TNIK: variants seen among roughly 807,000 people sequenced by gnomAD.
TNIK encodes the protein TRAF2 and NCK-interacting protein kinase.
A neutral mutation model predicts 191.3 loss-of-function variants in TNIK; 49 were observed. The ratio of observed to expected loss-of-function variants is 0.26; its 90% CI spans 0.20 to 0.32. TNIK has a LOEUF of 0.32. Ranked by LOEUF, TNIK falls within the 10% of genes least tolerant of loss-of-function variation. TNIK has a pLI of 1.00. For synonymous variants in TNIK, 594 were observed against 600.9 expected, an observed-to-expected ratio of 0.99 and a Z score of 0.17; for missense variants, 1,155 against 1,702.3, an observed-to-expected ratio of 0.68 and a Z score of 5.66.
At chr3:171,323,747 CA>C (rs1755436161) in intron 2 of TNIK, among the ~76,000 whole-genome samples, 1 of 152,062 alleles carries the variant, frequency 6.6e-6, no homozygotes. Context: ...CACAGGAATC[CA>C]AGTGAGAATG....
At chr3:171,193,451 C>T (rs180946547) in intron 5 of TNIK, among the ~76,000 whole-genome samples, 4 of 152,078 alleles carry the variant, frequency 2.6e-5, no homozygotes, top group African/African-American at 7.2e-5. Context: ...TAATGTACAC[C>T]TCCATTTATT....
intron 1 of TNIK, among the ~76,000 whole-genome samples, chr3:171,408,446 G>A (rs1040807664): frequency 2.0e-5 from 3 of 152,188 alleles, no homozygotes; most frequent in Non-Finnish European, 2.9e-5. Flanking sequence ...CTGGAGGAAA[G>A]GGCTATCCGA....
intron 2 of TNIK, among the ~76,000 whole-genome samples, chr3:171,363,324 T>C (rs1715251873): frequency 6.6e-6 from 1 of 152,166 alleles, no homozygotes; most frequent in African/African-American, 2.4e-5. Context: ...TGAGACAATA[T>C]ACATAAAAAC....
At chr3:171,405,853 C>T (rs186825298) in intron 1 of TNIK, among the ~76,000 whole-genome samples, 42 of 152,182 alleles carry the variant, frequency 2.8e-4, no homozygotes, top group Admixed American at 5.2e-4. Context: ...ACAGTCTTAC[C>T]TCAAAAACCA....
intron 1 of TNIK, among the ~76,000 whole-genome samples, chr3:171,458,932 C>G (rs1055216675): frequency 6.6e-6 from 1 of 152,330 alleles, no homozygotes; most frequent in East Asian, 1.9e-4. Context: ...CCCCTCACCC[C>G]CTTCCAGGCA....
At chr3:171,284,844 T>C (rs1263316487) in intron 2 of TNIK, among the ~76,000 whole-genome samples, 1 of 152,180 alleles carries the variant, frequency 6.6e-6, no homozygotes, top group East Asian at 1.9e-4. Flanking sequence ...TAAGGTCTGG[T>C]TTCCTGTAGA....
intron 18 of TNIK, among the ~76,000 whole-genome samples, chr3:171,118,963 T>G (rs957475357): frequency 6.6e-6 from 1 of 152,104 alleles, no homozygotes. Flanking sequence ...CTAAAGAGCT[T>G]CTGCACAGCA....
intron 1 of TNIK, among the ~76,000 whole-genome samples, chr3:171,426,828 T>C (rs1724699616): frequency 2.0e-5 from 3 of 152,080 alleles, no homozygotes; most frequent in African/African-American, 2.4e-5. Context: ...AAGGAGAGGT[T>C]AAGGTCGCTG....
In TNIK at chr3:171,063,945, C is replaced by T. The variant is rs1345224297; in HGVS notation, c.4019G>A (p.Arg1340Gln). The T allele has an allele frequency of 6.2e-7, 1 of 1,613,712 alleles. No homozygotes were observed. The highest frequency in any genetic ancestry group is 8.5e-7 in the Non-Finnish European group (1 of 1,179,714). Residue 1340 changes from arginine (R) to glutamine (Q), a missense_variant, in exon 33 of 33, where the codon CGA (arginine) becomes CAA (glutamine). Physicochemically the swap from Arg to Gln is conservative, Grantham distance 43. Transcript: ENST00000436636. Reference protein sequence around the residue: ...RNDKVFFASVRSGGSSQVFFM... With the variant: ...RNDKVFFASVQSGGSSQVFFM... ...AAACACTTGGCTACTTCCTCCAGAT[C>T]GCACGGATGCAAAAAATACCTGTTT...
intron 10 of TNIK, among the ~76,000 whole-genome samples, chr3:171,165,417 A>G (rs374518903): frequency 3.7e-3 from 323 of 86,688 alleles, no homozygotes; most frequent in Middle Eastern, 0.027. Context: ...ACTCATCTCA[A>G]AAAAAAAAAA....
intron 16 of TNIK, 24 bp from the exon 17 acceptor site, chr3:171,126,175 A>G (rs1191806331): frequency 6.6e-7 from 1 of 1,516,170 alleles, no homozygotes; most frequent in African/African-American, 1.4e-5. Context: ...CAACATGAAA[A>G]CAGCACTATT....
intron 3 of TNIK, among the ~76,000 whole-genome samples, chr3:171,214,398 T>C (rs1741214751): frequency 6.6e-6 from 1 of 152,202 alleles, no homozygotes; most frequent in Non-Finnish European, 1.5e-5. Context: ...TCATCATGTA[T>C]CTTTTCCTTT....
chr3:171,184,601 T>C (rs41459747), intron 7 of TNIK, among the ~76,000 whole-genome samples: 3,103 of 152,286 alleles, frequency 0.02, 97 homozygotes, highest in African/African-American at 0.07. Context: ...GAAGGACCTT[T>C]GTTTGAATCT....
intron 19 of TNIK, 83 bp from the exon 20 acceptor site, chr3:171,108,245 T>A: frequency 3.8e-5 from 40 of 1,046,602 alleles, no homozygotes; most frequent in Non-Finnish European, 4.6e-5. Context: ...ATCTGTGATG[T>A]GTCATCACAT....
intron 2 of TNIK, among the ~76,000 whole-genome samples, chr3:171,287,552 T>C (rs1751155468): frequency 6.6e-6 from 1 of 152,236 alleles, no homozygotes; most frequent in South Asian, 2.1e-4. Flanking sequence ...CTATGTGTTA[T>C]GAATAATCTA....
At chr3:171,236,849 G>A (rs1025215849) in intron 2 of TNIK, among the ~76,000 whole-genome samples, 8 of 152,180 alleles carry the variant, frequency 5.3e-5, no homozygotes, top group Non-Finnish European at 1.2e-4. Flanking sequence ...GCAGCCCGAA[G>A]CTGGCCCCTA....
intron 1 of TNIK, among the ~76,000 whole-genome samples, chr3:171,443,643 C>T (rs1727117079): frequency 6.6e-6 from 1 of 150,992 alleles, no homozygotes; most frequent in African/African-American, 2.5e-5. Context: ...ATAGGGAGAC[C>T]CCCCATCTCT....
chr3:171,172,406 T>G (rs573867326), intron 9 of TNIK, among the ~76,000 whole-genome samples: 1 of 152,214 alleles, frequency 6.6e-6, no homozygotes, highest in Non-Finnish European at 1.5e-5. Flanking sequence ...CTTTTCCTCT[T>G]AAATAATTAA....
Position 171,237,839 on chromosome 3 carries a change from GC to G in TNIK, c.124-9619del, listed in dbSNP as rs1362444400. 3.3e-5 allele frequency among the ~76,000 whole-genome samples: 5 copies of G among 152,230 alleles called. No individual in the cohort carries two copies. The East Asian group carries it at 9.6e-4, about 29-fold the overall frequency. On this transcript the variant is annotated intron_variant, in intron 2 of 32. Transcript: ENST00000436636. ...CTGCCGAGGTGGGAGGATCACTTGA[GC>G]CCAGGAGTTTGAGGCTGCAGTATGC...
Sources: allele counts gnomAD v4.1 joint callset (sites outside exome capture counted in the v4.1 genomes callset), GRCh38; gene constraint gnomAD v4.1.1; transcripts MANE v1.5; gene names NCBI Gene and HGNC (gene_info 2026-07-23, HGNC 2026-07-21).